Variants in OSGIN1 observed in about 807,000 individuals in gnomAD.
OSGIN1 encodes the protein oxidative stress-induced growth inhibitor 1.
In OSGIN1, 19 loss-of-function variants were observed where a neutral mutation model predicts 20.1. That is an observed-to-expected ratio of 0.95 (90% CI 0.66 to 1.39). The LOEUF is 1.39. Among genes scored for constraint, OSGIN1 ranks in the 40% most tolerant of loss-of-function variants. OSGIN1 has a pLI of 0.00. For missense variants in OSGIN1, 820 were observed against 653.0 expected (o/e 1.26, Z -2.79); for synonymous variants, 368 against 297.8 (o/e 1.24, Z -2.43).
In OSGIN1 at chr16:83,966,008, C is replaced by T. The variant is rs772795193; in HGVS notation, c.*1C>T. On this transcript the variant is annotated 3_prime_UTR_variant, in exon 6 of 6. Transcript: ENST00000393306. ...GAAGGAGACCAGGAAGCCACCCTAA[C>T]ACTCGGCCAGACCCGCTGGCTCCCA... 9 of 1,547,392 alleles carry T rather than the reference C, an allele frequency of 5.8e-6. No homozygotes were observed. The East Asian group carries it at 9.5e-5, about 16-fold the overall frequency.
In OSGIN1 at chr16:83,966,090, A is replaced by G. The variant is rs1567659286; in HGVS notation, c.*83A>G. On this transcript the variant is annotated 3_prime_UTR_variant, in exon 6 of 6. Transcript: ENST00000393306. ...TGCTGGATGCAGGACCCGTCCAAAGATGCCCCGGGGAGGGGTGTCAGCCCA... is the reference window on the plus strand; with the variant it reads ...TGCTGGATGCAGGACCCGTCCAAAGGTGCCCCGGGGAGGGGTGTCAGCCCA... The G allele has an allele frequency of 8.5e-7, 1 of 1,174,032 alleles. No individual in the cohort carries two copies. The highest frequency in any genetic ancestry group is 2.6e-5 in the East Asian group (1 of 38,702). The allele number at this position is 1,174,032 out of a possible 1,614,324, so 72.7% of individuals were successfully genotyped here.
chr16:83,965,596 C>G lies in OSGIN1; in HGVS notation c.1023C>G (p.His341Gln). The change falls in exon 6 of 6, where the codon CAC (histidine) becomes CAG (glutamine). Residue 341 changes from histidine to glutamine, a missense_variant. By Grantham distance (24) the His-to-Gln change is conservative. Transcript: ENST00000393306. Reference sequence around the variant, plus strand: ...TGTACCCCGAGTACCACAAGGTGCACCAGATGATGCGGGAGCAGTCCATCC... The same window carrying G: ...TGTACCCCGAGTACCACAAGGTGCAGCAGATGATGCGGGAGCAGTCCATCC... ...KMLYPEYHKV[H>Q]QMMREQSILS... is the part of the protein sequence containing the mutation. 3.7e-6 allele frequency: 6 copies of G among 1,613,084 alleles called. No homozygotes were observed. The highest frequency in any genetic ancestry group is 4.5e-5 in the East Asian group (2 of 44,880).
chr16:83,965,263 G>A lies in OSGIN1; in HGVS notation c.690G>A (p.Gln230=), dbSNP rs1194029135. The change falls in exon 6 of 6, where the codon CAG becomes CAA. Residue 230 remains glutamine (Q), a synonymous_variant. Coordinates refer to ENST00000393306, the MANE Select transcript of OSGIN1 (RefSeq NM_182981.3). ...FQVSGFLTRN[Q]AQQPFSLWAR... The stretch of plus-strand genomic sequence containing the variant: ...TGAGCGGCTTCCTGACCAGGAACCA[G>A]GCCCAGCAGCCCTTCTCGCTGTGGG... 8.7e-6 allele frequency: 14 copies of A among 1,610,156 alleles called. No individual in the cohort carries two copies. The highest frequency in any genetic ancestry group is 1.2e-5 in the Non-Finnish European group (14 of 1,178,148).
chr16:83,965,750 C>G lies in OSGIN1; in HGVS notation c.1177C>G (p.Leu393Val), dbSNP rs759567035. The G allele has an allele frequency of 1.2e-6, 2 of 1,613,386 alleles. No homozygotes were observed. Among genetic ancestry groups the G allele is most frequent in the Admixed American group, 3.3e-5 (2 of 59,998 alleles). Residue 393 changes from leucine to valine, a missense_variant, in exon 6 of 6, where the codon CTG becomes GTG. Transcript: ENST00000393306. The stretch of plus-strand genomic sequence containing the variant: ...GAAGGTGTTTGGGGTCTCCCTGGTG[C>G]TGGTCCTCATCGGCTCCCACCCCGA... ...VEKVFGVSLV[L>V]VLIGSHPDLS... is the part of the protein sequence containing the mutation.
rs550257889 is a variant in OSGIN1 at position 83,965,083 on chromosome 16, C to T, written c.510C>T (p.Ala170=). ...ACAGAGGTCTTCGCAACAGCCGGGC[C>T]ACTGCCGGGGACATCGCCCACTACT... ...KKRRGLRNSR[A]TAGDIAHYYR... is the part of the protein sequence containing the mutation. The change falls in exon 6 of 6, where the codon GCC becomes GCT. Residue 170 remains alanine, a synonymous_variant. Transcript: ENST00000393306. 7 of 1,602,088 alleles carry T rather than the reference C, an allele frequency of 4.4e-6. No homozygotes were observed. The South Asian group carries it at 7.7e-5, about 18-fold the overall frequency.
rs576895394 is a variant in OSGIN1 at position 83,966,044 on chromosome 16, G to C, written c.*37G>C. 1,976 of 1,434,092 alleles carry C rather than the reference G, an allele frequency of 1.4e-3. 3 individuals carry two copies. The highest frequency in any genetic ancestry group is 1.6e-3 in the Non-Finnish European group (1,720 of 1,077,080). 88.8% of individuals were successfully genotyped at this position (1,434,092 alleles called of 1,614,324 possible). A position where few individuals can be genotyped will look rare whatever the true frequency, so the allele number is the denominator to read the frequency against. On this transcript the variant is annotated 3_prime_UTR_variant, in exon 6 of 6. Coordinates refer to ENST00000393306, the MANE Select transcript of OSGIN1 (RefSeq NM_182981.3). ...ACCCGCTGGCTCCCAGGCCCTGAGA[G>C]GACAGAGATGACCACATCCCTGCTG...
At chr16:83,955,008 G>A (rs545476639) in intron 1 of OSGIN1, among the ~76,000 whole-genome samples, 412 of 152,258 alleles carry the variant, frequency 2.7e-3, no homozygotes, top group African/African-American at 9.5e-3. Flanking sequence ...CAGTTCCATC[G>A]CCCACCGGCT....
rs758822399 is a variant in OSGIN1, at chr16:83,960,724, G to A, written c.360G>A (p.Val120=). 1 of 1,613,452 alleles carries A rather than the reference G, an allele frequency of 6.2e-7. No homozygotes were observed. The highest frequency in any genetic ancestry group is 1.3e-5 in the African/African-American group (1 of 75,080). Reference sequence around the variant, plus strand: ...GGAAGGAGCACGCCATCCCCCACGTGGTTCTGGGCCGGAACCTCCCCGGGG... The same window carrying A: ...GGAAGGAGCACGCCATCCCCCACGTAGTTCTGGGCCGGAACCTCCCCGGGG... The part of the protein sequence containing the change: ...KHRKEHAIPH[V]VLGRNLPGGA... Residue 120 remains valine (V), a synonymous_variant, in exon 4 of 6, where the codon GTG becomes GTA. Transcript: ENST00000393306.
At chr16:83,959,441 C>T in intron 3 of OSGIN1, 45 bp downstream of exon 3, 2 of 1,536,376 alleles carry the variant, frequency 1.3e-6, no homozygotes, top group African/African-American at 2.8e-5. Context: ...CATACCCGCC[C>T]TTGGAAAACT....
intron 5 of OSGIN1, among the ~76,000 whole-genome samples, chr16:83,963,437 C>T (rs1428363762): frequency 1.3e-5 from 2 of 152,024 alleles, no homozygotes; most frequent in African/African-American, 4.8e-5. Flanking sequence ...GCTTAGACGT[C>T]AGAGCACAAA....
intron 3 of OSGIN1, among the ~76,000 whole-genome samples, 192 bp downstream of exon 3, chr16:83,959,588 G>C (rs1464860290): frequency 6.6e-6 from 1 of 152,240 alleles, no homozygotes; most frequent in Non-Finnish European, 1.5e-5. Context: ...ACACGATCTA[G>C]GGCTCACTAT....
chr16:83,960,477 G>T, intron 3 of OSGIN1, 92 bp from the exon 4 acceptor site: 1 of 996,858 alleles, frequency 1.0e-6, no homozygotes, highest in Non-Finnish European at 1.5e-6. Flanking sequence ...AAATGGCCCG[G>T]CCCCAGTCCC....
chr16:83,961,705 G>T (rs145985919), intron 5 of OSGIN1, among the ~76,000 whole-genome samples: 1,724 of 152,248 alleles, frequency 0.011, 18 homozygotes, highest in Non-Finnish European at 0.015. Flanking sequence ...GAGCAGCAGA[G>T]CTGGGCTCAC....
At chr16:83,954,763 C>T (rs1908846748) in intron 1 of OSGIN1, 1 of 984,728 alleles carries the variant, frequency 1.0e-6, no homozygotes, top group Non-Finnish European at 1.2e-6. Flanking sequence ...GGTGGTAAAC[C>T]AGTGTCCTCT....
Position 83,960,555 on chromosome 16 carries a change from A to C in OSGIN1, c.205-14A>C, listed in dbSNP as rs1375510758. The C allele has an allele frequency of 6.2e-7, 1 of 1,610,150 alleles. No homozygotes were observed. Among genetic ancestry groups the C allele is most frequent in the South Asian group, 1.1e-5 (1 of 90,892 alleles). On this transcript the variant is annotated splice_polypyrimidine_tract_variant and intron_variant, in intron 3 of 5. Transcript: ENST00000393306. ...CCTCCTCCAGCAGCCCCTCTGACCT[A>C]TGCCCCCCTCCAGGACCTGGACTAC...
At chr16:83,954,609 G>A (rs1011613372) in intron 1 of OSGIN1, 3 of 208,908 alleles carry the variant, frequency 1.4e-5, no homozygotes, top group Non-Finnish European at 2.5e-5. Context: ...ACTTTGGGGC[G>A]TCCTGTGTCA....
Position 83,957,677 on chromosome 16 carries a change from C to G in OSGIN1, c.6C>G (p.Ser2Arg), listed in dbSNP as rs765740686. 8.7e-6 allele frequency: 14 copies of G among 1,605,862 alleles called. No homozygotes were observed. In the Admixed American group the frequency reaches 2.2e-4, roughly 25 times the overall value. Reference sequence around the variant, plus strand: ...CCCCAAGCCCCCCACCAGCCATGAGCTCCTCCAGAAAGGACCACCTCGGCG... The same window carrying G: ...CCCCAAGCCCCCCACCAGCCATGAGGTCCTCCAGAAAGGACCACCTCGGCG... The part of the protein sequence containing the change: M[S>R]SSRKDHLGAS... Residue 2 changes from serine to arginine, a missense_variant, in exon 2 of 6, where the codon AGC (serine) becomes AGG (arginine). Ser to Arg is a moderately radical substitution (Grantham distance 110, BLOSUM62 -1). Coordinates refer to ENST00000393306, the MANE Select transcript of OSGIN1 (RefSeq NM_182981.3).
chr16:83,959,154 A>G, intron 2 of OSGIN1, 106 bp from the exon 3 acceptor site: 1 of 763,080 alleles, frequency 1.3e-6, no homozygotes, highest in South Asian at 1.7e-5. Flanking sequence ...ATTTTTATGA[A>G]TGAAGGATAA....
chr16:83,962,782 G>A (rs565439414), intron 5 of OSGIN1, among the ~76,000 whole-genome samples: 5 of 152,274 alleles, frequency 3.3e-5, no homozygotes, highest in Admixed American at 2.0e-4. Flanking sequence ...GCATTCTTTC[G>A]AGTTTCTTAT....
Sources: allele counts gnomAD v4.1 joint callset (sites outside exome capture counted in the v4.1 genomes callset), GRCh38; gene constraint gnomAD v4.1.1; transcripts MANE v1.5; gene names NCBI Gene and HGNC (gene_info 2026-07-23, HGNC 2026-07-21).